Variants in FMN1 observed in about 807,000 individuals in gnomAD.
FMN1 encodes formin 1, also known as formin-1.
In FMN1, 110 loss-of-function variants were observed where a neutral mutation model predicts 132.4. The observed-to-expected ratio is 0.83, with a 90% CI of 0.71 to 0.97. The LOEUF (loss-of-function observed/expected upper bound fraction) is 0.97. Among genes scored for constraint, FMN1 ranks in the 50% least tolerant of loss-of-function variants. The pLI, the probability that FMN1 is intolerant of heterozygous loss-of-function variation, is 0.00. For synonymous variants in FMN1, 722 were observed against 651.7 expected (o/e 1.11, Z -1.64); for missense variants, 1,792 against 1,705.3 (o/e 1.05, Z -0.90).
chr15:32,873,826 C>T (rs908460633), intron 16 of FMN1, among the ~76,000 whole-genome samples: 3 of 152,090 alleles, frequency 2.0e-5, no homozygotes, highest in African/African-American at 7.2e-5. Context: ...GAGGCCCCTC[C>T]AAGCTATCTC....
chr15:33,178,766 C>T (rs1965600373), intron 3 of FMN1, among the ~76,000 whole-genome samples: 1 of 152,140 alleles, frequency 6.6e-6, no homozygotes, highest in Non-Finnish European at 1.5e-5. Context: ...TAAGTAATTG[C>T]TACTATTATG....
intron 12 of FMN1, among the ~76,000 whole-genome samples, chr15:32,904,693 A>G (rs544727285): frequency 1.3e-5 from 2 of 152,316 alleles, no homozygotes; most frequent in East Asian, 3.9e-4. Flanking sequence ...CGAAAATACA[A>G]AATAATAAAG....
At chr15:32,963,432 A>G (rs1184776594) in intron 9 of FMN1, among the ~76,000 whole-genome samples, 2 of 152,110 alleles carry the variant, frequency 1.3e-5, no homozygotes, top group Non-Finnish European at 2.9e-5. Flanking sequence ...CCAGCATGGC[A>G]CATGTATACA....
intron 16 of FMN1, among the ~76,000 whole-genome samples, chr15:32,884,999 A>G (rs1019924817): frequency 6.6e-6 from 1 of 152,202 alleles, no homozygotes; most frequent in African/African-American, 2.4e-5. Context: ...CTGTGCAGAC[A>G]TTATTTCCTA....
chr15:33,187,049 T>C (rs1294371804), intron 2 of FMN1, among the ~76,000 whole-genome samples: 1 of 152,116 alleles, frequency 6.6e-6, no homozygotes, highest in East Asian at 1.9e-4. Context: ...ACCCCACACC[T>C]ATATATTGGG....
intron 17 of FMN1, 49 bp downstream of exon 17, chr15:32,856,966 G>T: frequency 7.6e-7 from 1 of 1,322,654 alleles, no homozygotes; most frequent in Non-Finnish European, 1.1e-6. Flanking sequence ...TTCATGGAAT[G>T]AAGGATGTTT....
chr15:32,784,084 A>C (rs1247995153), intron 19 of FMN1, among the ~76,000 whole-genome samples: 1 of 152,204 alleles, frequency 6.6e-6, no homozygotes, highest in Non-Finnish European at 1.5e-5. Context: ...GGGATTGAGC[A>C]CACCAGCCAA....
chr15:33,029,259 C>T (rs1182801704), intron 6 of FMN1, among the ~76,000 whole-genome samples: 1 of 147,380 alleles, frequency 6.8e-6, no homozygotes, highest in Admixed American at 6.8e-5. Flanking sequence ...TATGAACACA[C>T]AAGGAAAAAA....
intron 7 of FMN1, among the ~76,000 whole-genome samples, chr15:32,978,064 C>A (rs1258385537): frequency 6.6e-6 from 1 of 152,158 alleles, no homozygotes. Context: ...ACCATGTTGG[C>A]CAGGATGGTC....
chr15:33,088,951 AG>A lies in FMN1; in HGVS notation c.1890del (p.Trp631GlyfsTer56), dbSNP rs2038805315. On this transcript the variant is annotated frameshift_variant, in exon 5 of 21. Transcript: ENST00000616417. LOFTEE classifies it high-confidence loss of function. ...GGTGTCTGCTCATTGAAGCCGTCCC[AG>A]GGAAAGCCCTCAGAGGAGATACCTA... ...SPPGISSEGFPWDGFNEQTPK... is the reference protein window; with the variant it reads ...SPPGISSEGFXWDGFNEQTPK... The A allele has an allele frequency of 2.6e-6, 4 of 1,535,752 alleles. No individual in the cohort carries two copies. Among genetic ancestry groups the A allele is most frequent in the African/African-American group, 1.4e-5 (1 of 73,020 alleles).
intron 4 of FMN1, among the ~76,000 whole-genome samples, chr15:33,127,306 T>C (rs1462194578): frequency 1.3e-5 from 2 of 152,292 alleles, no homozygotes; most frequent in South Asian, 2.1e-4. Flanking sequence ...AGTAACGTCA[T>C]GGTTAATGCT....
intron 16 of FMN1, among the ~76,000 whole-genome samples, chr15:32,875,459 C>T (rs565139928): frequency 6.6e-6 from 1 of 152,166 alleles, no homozygotes; most frequent in African/African-American, 2.4e-5. Context: ...GGGGAAAAGG[C>T]CTACCAGGTG....
chr15:33,149,936 A>G (rs1964377098), intron 4 of FMN1: 1 of 984,744 alleles, frequency 1.0e-6, no homozygotes. Context: ...TATTTCATGT[A>G]TGCCTCTTAA....
intron 16 of FMN1, among the ~76,000 whole-genome samples, chr15:32,881,626 G>T (rs2141442268): frequency 6.6e-6 from 1 of 152,186 alleles, no homozygotes; most frequent in South Asian, 2.1e-4. Flanking sequence ...AGTAATTAAA[G>T]AAAATTTTCA....
intron 5 of FMN1, among the ~76,000 whole-genome samples, chr15:33,086,841 A>G (rs961675878): frequency 2.6e-5 from 4 of 152,210 alleles, no homozygotes; most frequent in African/African-American, 9.7e-5. Context: ...TCCTTTTGTA[A>G]TATCTGGAAT....
chr15:32,881,641 C>T (rs888947315), intron 16 of FMN1, among the ~76,000 whole-genome samples: 1 of 152,152 alleles, frequency 6.6e-6, no homozygotes, highest in African/African-American at 2.4e-5. Context: ...TTTTCACCCT[C>T]ATGACAAGAT....
At position 32,900,006 on chromosome 15, in the gene FMN1, C is replaced by A; in HGVS notation, c.3627G>T (p.Leu1209=). ...GACTTTTGACATCCTTGAGTTTGGG[C>A]AGAATTTCTAAGCTATATCCATCGG... The part of the protein sequence containing the change: ...GQADGYSLEI[L]PKLKDVKSRD... Residue 1209 remains leucine (L), a synonymous_variant, in exon 14 of 21, where the codon CTG becomes CTT. Coordinates refer to ENST00000616417, the MANE Select transcript of FMN1 (RefSeq NM_001277313.2). 1 of 1,613,782 alleles carries A rather than the reference C, an allele frequency of 6.2e-7. No homozygotes were observed. Among genetic ancestry groups the A allele is most frequent in the Non-Finnish European group, 8.5e-7 (1 of 1,179,830 alleles).
intron 6 of FMN1, among the ~76,000 whole-genome samples, chr15:33,022,492 A>G (rs1012452758): frequency 6.6e-6 from 1 of 152,234 alleles, no homozygotes; most frequent in African/African-American, 2.4e-5. Flanking sequence ...GATGTTACTA[A>G]AAAAGTTAAA....
intron 4 of FMN1, among the ~76,000 whole-genome samples, chr15:33,115,502 C>CA (rs1490351147): frequency 1.0e-3 from 147 of 146,692 alleles, no homozygotes; most frequent in African/African-American, 3.4e-3. Flanking sequence ...CCCCCCCCCC[C>CA]CACACACACA....
Sources: allele counts gnomAD v4.1 joint callset (sites outside exome capture counted in the v4.1 genomes callset), GRCh38; gene constraint gnomAD v4.1.1; transcripts MANE v1.5; gene names NCBI Gene and HGNC (gene_info 2026-07-23, HGNC 2026-07-21).